Variants in ST3GAL6 observed in about 807,000 individuals in gnomAD.
ST3GAL6 encodes the protein type 2 lactosamine alpha-2,3-sialyltransferase.
Under a neutral mutation model 40.5 loss-of-function variants are expected in ST3GAL6, and 31 were observed. That is an observed-to-expected ratio of 0.77 (90% confidence interval 0.58 to 1.03). The LOEUF (loss-of-function observed/expected upper bound fraction) is 1.03. Among genes scored for constraint, ST3GAL6 ranks in the 50% least tolerant of loss-of-function variants. The pLI is 0.00. For missense variants in ST3GAL6, 357 were observed against 393.2 expected (o/e 0.91, Z 0.78); for synonymous variants, 129 against 136.9 (o/e 0.94, Z 0.40).
chr3:98,756,492 C>T (rs1318633042), intron 1 of ST3GAL6: 2 of 1,287,776 alleles, frequency 1.6e-6, no homozygotes, highest in Non-Finnish European at 2.0e-6. Flanking sequence ...GCAAATTCTC[C>T]ACCTTTGCGA....
intron 1 of ST3GAL6, among the ~76,000 whole-genome samples, chr3:98,744,586 G>T (rs1217615858): frequency 6.6e-6 from 1 of 152,164 alleles, no homozygotes; most frequent in South Asian, 2.1e-4. Flanking sequence ...GATTGAGCCA[G>T]TTTGCTTCCT....
At chr3:98,785,085 A>G (rs1199160731) in intron 6 of ST3GAL6, 45 bp downstream of exon 6, 1 of 1,416,762 alleles carries the variant, frequency 7.1e-7, no homozygotes, top group Non-Finnish European at 9.9e-7. Context: ...TTTCAAAAGA[A>G]TATGGTTTCT....
At chr3:98,733,068 G>A in intron 1 of ST3GAL6, 2 of 1,408,090 alleles carry the variant, frequency 1.4e-6, no homozygotes, top group Non-Finnish European at 1.8e-6. Flanking sequence ...GGGCGGCCTG[G>A]GGTCTGTGCT....
intron 9 of ST3GAL6, among the ~76,000 whole-genome samples, chr3:98,792,647 C>G (rs1475865574): frequency 6.7e-6 from 1 of 149,984 alleles, no homozygotes; most frequent in Non-Finnish European, 1.5e-5. Context: ...TCTGGGATAA[C>G]AGGCGCCCGC....
chr3:98,746,592 A>C (rs1936573325), intron 1 of ST3GAL6, among the ~76,000 whole-genome samples: 2 of 152,138 alleles, frequency 1.3e-5, no homozygotes, highest in Admixed American at 1.3e-4. Context: ...TCTACCTTTT[A>C]ATGTTTTCTC....
chr3:98,740,175 C>T (rs1226075790), intron 1 of ST3GAL6, among the ~76,000 whole-genome samples: 1 of 150,392 alleles, frequency 6.6e-6, no homozygotes, highest in Non-Finnish European at 1.5e-5. Context: ...AAATATTTTG[C>T]ACACACTGAA....
intron 1 of ST3GAL6, among the ~76,000 whole-genome samples, chr3:98,737,205 C>T (rs948759907): frequency 1.3e-4 from 20 of 152,166 alleles, no homozygotes; most frequent in Non-Finnish European, 8.8e-5. Flanking sequence ...TGCACCACCA[C>T]ACCTGGCTAT....
intron 3 of ST3GAL6, chr3:98,771,213 G>C: frequency 7.5e-7 from 1 of 1,336,228 alleles, no homozygotes; most frequent in Non-Finnish European, 9.9e-7. Flanking sequence ...AGGTCTATTT[G>C]TGTTTGATTA....
chr3:98,734,723 G>A (rs1935379662), intron 1 of ST3GAL6, among the ~76,000 whole-genome samples: 1 of 152,142 alleles, frequency 6.6e-6, no homozygotes, highest in South Asian at 2.1e-4. Flanking sequence ...AGAATAGACA[G>A]TATTGACAGA....
upstream of ST3GAL6, among the ~76,000 whole-genome samples, chr3:98,761,475 G>A (rs910134118): frequency 6.6e-6 from 1 of 152,032 alleles, no homozygotes; most frequent in East Asian, 1.9e-4. Flanking sequence ...CAGGCATGGT[G>A]GCACGTGCCT....
chr3:98,759,357 A>G (rs1176926644), upstream of ST3GAL6, among the ~76,000 whole-genome samples: 1 of 152,210 alleles, frequency 6.6e-6, no homozygotes, highest in Non-Finnish European at 1.5e-5. Flanking sequence ...GAGGCCGTGT[A>G]GTGCTACCCA....
chr3:98,763,256 C>T, upstream of ST3GAL6: 2 of 1,246,734 alleles, frequency 1.6e-6, no homozygotes, highest in East Asian at 5.7e-5. Context: ...ATTATAATCA[C>T]AAATTGAGTA....
chr3:98,788,585 C>A, intron 8 of ST3GAL6, 122 bp downstream of exon 8: 1 of 825,366 alleles, frequency 1.2e-6, no homozygotes, highest in Non-Finnish European at 1.8e-6. Flanking sequence ...TGAGGGCCAT[C>A]TCTGAGTTAG....
At chr3:98,764,914 A>T (rs749249907) in intron 1 of ST3GAL6, among the ~76,000 whole-genome samples, 1 of 152,242 alleles carries the variant, frequency 6.6e-6, no homozygotes, top group Admixed American at 6.5e-5. Context: ...AAAAAATAAT[A>T]CAAAGCATCT....
At chr3:98,755,507 C>T (rs1295828135) in intron 1 of ST3GAL6, among the ~76,000 whole-genome samples, 1 of 152,108 alleles carries the variant, frequency 6.6e-6, no homozygotes. Flanking sequence ...GGGTATCTTC[C>T]ATGTGGGAAT....
Position 98,771,225 on chromosome 3 carries a change from A to G in ST3GAL6, c.167+269A>G, listed in dbSNP as rs992030723. 3 of 1,210,220 alleles carry G rather than the reference A, an allele frequency of 2.5e-6. No individual in the cohort carries two copies. The Admixed American group carries it at 7.9e-5, about 32-fold the overall frequency. The allele number at this position is 1,210,220 out of a possible 1,614,324, so 75.0% of individuals were successfully genotyped here. ...GAGAGGTCTATTTGTGTTTGATTAT[A>G]AAAAAGCGAATTGTTCTTTAGGGTT... is the stretch of plus-strand genomic sequence containing the variant. On this transcript the variant is annotated intron_variant, in intron 3 of 9. Transcript: ENST00000483910.
intron 1 of ST3GAL6, among the ~76,000 whole-genome samples, chr3:98,763,733 T>TA (rs1156871943): frequency 0.064 from 6,454 of 100,122 alleles, 423 homozygotes; most frequent in East Asian, 0.18. Context: ...TCCTAGTGAC[T>TA]AAAAAAAAAA....
At chr3:98,756,449 G>A (rs11915622) in intron 1 of ST3GAL6, 156 of 1,289,724 alleles carry the variant, frequency 1.2e-4, no homozygotes, top group African/African-American at 6.7e-4. Flanking sequence ...AGCAGGCAGC[G>A]TCCTGAGTCT....
At chr3:98,762,115 T>C (rs1937854268), upstream of ST3GAL6, among the ~76,000 whole-genome samples, 1 of 152,140 alleles carries the variant, frequency 6.6e-6, no homozygotes, top group African/African-American at 2.4e-5. Context: ...CTGGCTTTGT[T>C]GAAAAGCTGA....
Sources: allele counts gnomAD v4.1 joint callset (sites outside exome capture counted in the v4.1 genomes callset), GRCh38; gene constraint gnomAD v4.1.1; transcripts MANE v1.5; gene names NCBI Gene and HGNC (gene_info 2026-07-23, HGNC 2026-07-21).